Variants in GRK4 observed in about 807,000 individuals in gnomAD.
GRK4 encodes the protein G protein-coupled receptor kinase 4, also known as G protein-coupled receptor kinase 2-like.
In GRK4, 73 loss-of-function variants were observed where a neutral mutation model predicts 77.9. The ratio of observed to expected loss-of-function variants is 0.94; its 90% confidence interval spans 0.78 to 1.14. The LOEUF (loss-of-function observed/expected upper bound fraction) is 1.14, where lower values mean the gene tolerates loss of function less well. Ranked by LOEUF, GRK4 falls within the 50% of genes most tolerant of loss-of-function variation. The probability of loss-of-function intolerance (pLI) is 0.00; values close to 1 mark genes in which losing one functional copy is unlikely to be tolerated. For synonymous variants in GRK4, 257 were observed against 254.4 expected, an observed-to-expected ratio of 1.01 and a Z score of -0.10; for missense variants, 729 against 700.2, an observed-to-expected ratio of 1.04 and a Z score of -0.46.
At chr4:3,027,809 T>C (rs748149724) in intron 10 of GRK4, 103 bp from the exon 11 acceptor site, 10 of 870,024 alleles carry the variant, frequency 1.1e-5, no homozygotes, top group Non-Finnish European at 1.9e-5. Context: ...AATGCTATTA[T>C]TTCCAGCCAT....
chr4:2,976,453 T>C (rs1371670830), intron 1 of GRK4, among the ~76,000 whole-genome samples: 3 of 151,880 alleles, frequency 2.0e-5, no homozygotes, highest in Non-Finnish European at 2.9e-5. Flanking sequence ...TTCTGTTTTT[T>C]AGAAGGAGGT....
chr4:3,018,345 A>G (rs1735134617), intron 8 of GRK4, among the ~76,000 whole-genome samples: 1 of 152,182 alleles, frequency 6.6e-6, no homozygotes, highest in Non-Finnish European at 1.5e-5. Context: ...TGTTACTGAT[A>G]CCATTTACAA....
At chr4:3,026,096 C>T (rs757987529) in intron 10 of GRK4, among the ~76,000 whole-genome samples, 6 of 152,214 alleles carry the variant, frequency 3.9e-5, no homozygotes, top group Admixed American at 6.5e-5. Context: ...GAGCCTTGGG[C>T]ACATGTAATT....
intron 15 of GRK4, among the ~76,000 whole-genome samples, chr4:3,040,047 G>A (rs1741961029): frequency 6.6e-6 from 1 of 152,184 alleles, no homozygotes; most frequent in Admixed American, 6.5e-5. Flanking sequence ...GGTACATGCA[G>A]AACTTACCTG....
At chr4:2,999,230 G>A (rs1246243963) in intron 4 of GRK4, among the ~76,000 whole-genome samples, 10 of 152,114 alleles carry the variant, frequency 6.6e-5, no homozygotes, top group African/African-American at 2.4e-4. Flanking sequence ...AGAAGAATAC[G>A]AGGGTATGCA....
chr4:3,005,503 C>T (rs1256669508), intron 5 of GRK4, among the ~76,000 whole-genome samples: 1 of 152,066 alleles, frequency 6.6e-6, no homozygotes, highest in Non-Finnish European at 1.5e-5. Context: ...GATGCGGCTG[C>T]CTCTAAAATA....
chr4:3,019,413 T>C (rs1175223782), intron 8 of GRK4, among the ~76,000 whole-genome samples: 1 of 152,194 alleles, frequency 6.6e-6, no homozygotes, highest in East Asian at 1.9e-4. Context: ...CTTCTTCGCT[T>C]AGCTGTAGAA....
intron 4 of GRK4, among the ~76,000 whole-genome samples, chr4:2,996,328 A>G (rs2488818): frequency 0.4 from 60,095 of 151,938 alleles, 12,863 homozygotes; most frequent in African/African-American, 0.55. Context: ...GCTGAGGCAG[A>G]CGGATCACCT....
chr4:2,971,056 C>T (rs2109404302), intron 1 of GRK4: 1 of 152,190 alleles, frequency 6.6e-6, no homozygotes, highest in East Asian at 1.9e-4. Context: ...ATCATTTTGG[C>T]TTTATTAAAG....
At position 2,992,208 on chromosome 4, in the gene GRK4, C is replaced by CAAT. The variant is rs1726407647; in HGVS notation, c.262-6_262-4dup. ...TGTTCTTTCTTTTCTTCCATCTCTC[C>CAAT]AATCAGGCAGAATATGAAGTTGCCG... is the stretch of plus-strand genomic sequence containing the variant. On this transcript the variant is annotated splice_region_variant and splice_polypyrimidine_tract_variant and intron_variant, in intron 3 of 15. Coordinates refer to ENST00000398052, the MANE Select transcript of GRK4 (RefSeq NM_182982.3). The CAAT allele has an allele frequency of 1.2e-6, 2 of 1,600,038 alleles. No homozygotes were observed. The highest frequency in any genetic ancestry group is 1.7e-6 in the Non-Finnish European group (2 of 1,167,678).
chr4:2,978,171 T>A (rs1354434256), intron 1 of GRK4, among the ~76,000 whole-genome samples: 2 of 152,106 alleles, frequency 1.3e-5, no homozygotes, highest in African/African-American at 4.8e-5. Context: ...CCATATTGAG[T>A]GGGAAGAAAA....
At chr4:2,985,787 A>G (rs544113298) in intron 2 of GRK4, 123 of 265,984 alleles carry the variant, frequency 4.6e-4, no homozygotes, top group Non-Finnish European at 8.2e-4. Flanking sequence ...TCACGAGATC[A>G]GGAGATCGAG....
chr4:2,965,067 G>C (rs1422195728), intron 1 of GRK4, among the ~76,000 whole-genome samples: 1 of 152,210 alleles, frequency 6.6e-6, no homozygotes, highest in East Asian at 1.9e-4. Flanking sequence ...TTATGCTATA[G>C]ATTATGTGAC....
At chr4:3,035,597 TC>T (rs1206558532) in intron 13 of GRK4, 74 bp downstream of exon 13, 22 of 1,489,362 alleles carry the variant, frequency 1.5e-5, no homozygotes, top group Non-Finnish European at 2.0e-5. Context: ...CTTTCTTTTT[TC>T]AAAAATAGAG....
At chr4:3,012,879 A>C (rs1405570651) in intron 7 of GRK4, among the ~76,000 whole-genome samples, 1 of 152,076 alleles carries the variant, frequency 6.6e-6, no homozygotes, top group Non-Finnish European at 1.5e-5. Flanking sequence ...GGTGGCTCAC[A>C]CCTGTTAATC....
At chr4:3,031,699 G>A (rs967016990) in intron 12 of GRK4, among the ~76,000 whole-genome samples, 11 of 152,184 alleles carry the variant, frequency 7.2e-5, no homozygotes, top group African/African-American at 2.2e-4. Context: ...TGAGAGGGAC[G>A]CTCAGAGAGG....
intron 12 of GRK4, among the ~76,000 whole-genome samples, chr4:3,033,646 G>C (rs1238996092): frequency 6.6e-6 from 1 of 152,178 alleles, no homozygotes; most frequent in Non-Finnish European, 1.5e-5. Flanking sequence ...GAGTACAGTG[G>C]TGCGACCTCA....
At position 3,001,237 on chromosome 4, in the gene GRK4, G is replaced by GTA. The variant is rs531526779; in HGVS notation, c.340-2985_340-2984dup. Among the ~76,000 whole-genome samples the GTA allele has an allele frequency of 2.0e-4, 27 of 133,860 alleles. No homozygotes were observed. The East Asian group carries it at 3.9e-3, about 20-fold the overall frequency. 87.8% of individuals were successfully genotyped at this position (133,860 alleles called of 152,430 possible). ...TATATATATGTATATATGTGTATGT[G>GTA]TATATATATACATATATGTATATAT... is the stretch of plus-strand genomic sequence containing the variant. On this transcript the variant is annotated intron_variant, in intron 4 of 15. Coordinates refer to ENST00000398052, the MANE Select transcript of GRK4 (RefSeq NM_182982.3).
In GRK4 at chr4:2,965,207, A is replaced by G. The variant is rs1021325025; in HGVS notation, c.52+1085A>G. The G allele has an allele frequency of 2.0e-5, 14 of 692,428 alleles. No individual in the cohort carries two copies. In the East Asian group the frequency reaches 2.4e-4, roughly 12 times the overall value. The allele number at this position is 692,428 out of a possible 1,614,324, so 42.9% of individuals were successfully genotyped here. A position where few individuals can be genotyped will look rare whatever the true frequency, so the allele number is the denominator to read the frequency against. On this transcript the variant is annotated intron_variant, in intron 1 of 15. Coordinates refer to ENST00000398052, the MANE Select transcript of GRK4 (RefSeq NM_182982.3). Reference sequence around the variant, plus strand: ...TGAGCTGGTGCGTACCTTAACATAAATATCCTCCTGTTTTCACCCATGCTG... The same window carrying G: ...TGAGCTGGTGCGTACCTTAACATAAGTATCCTCCTGTTTTCACCCATGCTG...
Sources: gnomAD v4.1 joint callset for allele counts (sites outside exome capture counted in the v4.1 genomes callset) on GRCh38, gnomAD v4.1.1 for gene constraint, MANE v1.5 for transcripts, NCBI Gene and HGNC (gene_info 2026-07-23, HGNC 2026-07-21) for gene names.